The following TRPA1 variants were observed in gnomAD, a reference collection of about 807,000 sequenced individuals.
The protein encoded by TRPA1 is ankyrin-like with transmembrane domains 1.
In TRPA1, 129 loss-of-function variants were observed where a neutral mutation model predicts 131.3. The ratio of observed to expected loss-of-function variants is 0.98; its 90% CI spans 0.85 to 1.14. TRPA1 has a LOEUF of 1.14. TRPA1 is among the 50% of genes most tolerant of loss of function. The pLI is 0.00. For missense variants in TRPA1, 1,304 were observed against 1,354.2 expected, an observed-to-expected ratio of 0.96 and a Z score of 0.58; for synonymous variants, 441 against 451.7, an observed-to-expected ratio of 0.98 and a Z score of 0.30.
intron 2 of TRPA1, among the ~76,000 whole-genome samples, chr8:72,070,050 G>A (rs1016810052): frequency 6.6e-6 from 1 of 152,162 alleles, no homozygotes; most frequent in African/African-American, 2.4e-5. Flanking sequence ...TACCCCGTGA[G>A]CTCAGCATAT....
In TRPA1 at chr8:72,063,494, G is replaced by C; in HGVS notation, c.630C>G (p.Ser210=). 1 of 1,613,462 alleles carries C rather than the reference G, an allele frequency of 6.2e-7. No individual in the cohort carries two copies. The highest frequency in any genetic ancestry group is 8.5e-7 in the Non-Finnish European group (1 of 1,179,586). The change falls in exon 5 of 27, where the codon TCC becomes TCG. Residue 210 remains serine, a synonymous_variant. Transcript: ENST00000262209. Reference sequence around the variant, plus strand: ...TTAGTATTATTTCCATGCATTCTTTGGAACCTGAAAATGCAGCTTGGTGAA... The same window carrying C: ...TTAGTATTATTTCCATGCATTCTTTCGAACCTGAAAATGCAGCTTGGTGAA... The part of the protein sequence containing the change: ...FPIHQAAFSG[S]KECMEIILRF...
At chr8:72,030,906 C>G (rs1004790376) in intron 23 of TRPA1, among the ~76,000 whole-genome samples, 3 of 152,202 alleles carry the variant, frequency 2.0e-5, no homozygotes, top group African/African-American at 7.2e-5. Context: ...GAAATTAGCT[C>G]ATTTCACTCA....
chr8:72,034,975 A>C (rs1285069232), intron 21 of TRPA1, among the ~76,000 whole-genome samples: 1 of 152,192 alleles, frequency 6.6e-6, no homozygotes, highest in African/African-American at 2.4e-5. Context: ...TAGAGAGATA[A>C]ATTGTGTGCT....
At chr8:72,042,897 A>G (rs1812301798) in intron 17 of TRPA1, among the ~76,000 whole-genome samples, 1 of 151,860 alleles carries the variant, frequency 6.6e-6, no homozygotes. Flanking sequence ...GTGGTTGCCA[A>G]GGGCTGGGGG....
At chr8:72,038,802 A>C in intron 19 of TRPA1, 63 bp downstream of exon 19, 1 of 1,388,696 alleles carries the variant, frequency 7.2e-7, no homozygotes. Context: ...TGGGTTTAGT[A>C]GTCTTAAGAA....
chr8:72,033,360 G>A (rs1486892997), intron 23 of TRPA1, among the ~76,000 whole-genome samples: 1 of 152,186 alleles, frequency 6.6e-6, no homozygotes, highest in Non-Finnish European at 1.5e-5. Context: ...CACTGAGACT[G>A]AATATTGGTC....
Position 72,022,554 on chromosome 8 carries a change from A to C in TRPA1, c.*352T>G. The C allele has an allele frequency of 2.7e-6, 1 of 363,710 alleles. No individual in the cohort carries two copies. The highest frequency in any genetic ancestry group is 5.3e-6 in the Non-Finnish European group (1 of 190,044). The allele number at this position is 363,710 out of a possible 1,614,324, so 22.5% of individuals were successfully genotyped here. On this transcript the variant is annotated 3_prime_UTR_variant, in exon 27 of 27. Coordinates refer to ENST00000262209, the MANE Select transcript of TRPA1 (RefSeq NM_007332.3). ...CATATTATGTAATTAACAAGCAGGA[A>C]TTCAGTACTGACATTTGCATTTTAG...
At chr8:72,088,418 G>C in the TRPA1 span, among the ~76,000 whole-genome samples, 1 of 145,898 alleles carries the variant, frequency 6.9e-6, no homozygotes, top group Non-Finnish European at 1.5e-5. Context: ...ATGGGAAGGA[G>C]GGTAGATATG....
chr8:72,062,924 T>G lies in TRPA1; in HGVS notation c.682A>C (p.Arg228=), dbSNP rs61736344. The change falls in exon 6 of 27, where the codon AGA becomes CGA. Residue 228 remains arginine (R), a synonymous_variant. Transcript: ENST00000262209. ...TTCATAAAGTTAATGTGCAACTGTC[T>G]ACTGTACCCATGCTCTTCACCTTGA... ...LRFGEEHGYS[R]QLHINFMNNG... 469 of 1,613,966 alleles carry G rather than the reference T, an allele frequency of 2.9e-4. 1 individual carries two copies. The African/African-American group carries it at 5.5e-3, about 19-fold the overall frequency.
chr8:72,024,401 C>A (rs150266942), intron 25 of TRPA1, among the ~76,000 whole-genome samples: 31 of 152,188 alleles, frequency 2.0e-4, no homozygotes, highest in African/African-American at 7.2e-4. Flanking sequence ...GGGTCAAGGG[C>A]AGGTGTGAAA....
chr8:72,056,098 C>T (rs1805661434), intron 10 of TRPA1: 1 of 549,418 alleles, frequency 1.8e-6, no homozygotes, highest in Non-Finnish European at 3.2e-6. Context: ...TCTGAGAGAT[C>T]ATGCCAATAG....
chr8:72,026,105 C>T, intron 24 of TRPA1, 32 bp from the exon 25 acceptor site: 1 of 1,547,024 alleles, frequency 6.5e-7, no homozygotes, highest in South Asian at 1.1e-5. Context: ...TTGATAGAAT[C>T]ATTAGTTAGT....
chr8:72,089,642 C>T, the TRPA1 span, among the ~76,000 whole-genome samples: 2 of 152,022 alleles, frequency 1.3e-5, no homozygotes, highest in African/African-American at 4.8e-5. Flanking sequence ...GATCCTAAGA[C>T]ACAAGCTTCT....
upstream of TRPA1, chr8:72,075,718 C>A: frequency 2.3e-6 from 1 of 432,402 alleles, no homozygotes. Context: ...CCTTCAGGGA[C>A]AAAGTGACTC....
At chr8:72,024,063 A>C (rs1316252407) in intron 25 of TRPA1, 152 bp from the exon 26 acceptor site, 4 of 620,384 alleles carry the variant, frequency 6.4e-6, no homozygotes, top group Non-Finnish European at 1.2e-5. Context: ...AGAAAGAGAC[A>C]TGTGAAGAAA....
chr8:72,039,074 T>C (rs771205659), intron 18 of TRPA1, 47 bp from the exon 19 acceptor site: 1 of 1,595,594 alleles, frequency 6.3e-7, no homozygotes, highest in South Asian at 1.1e-5. Flanking sequence ...CAAACAAAAA[T>C]ATTTACTTAA....
intron 10 of TRPA1, among the ~76,000 whole-genome samples, chr8:72,056,538 A>T (rs547482046): frequency 1.2e-4 from 18 of 152,116 alleles, no homozygotes; most frequent in Non-Finnish European, 2.5e-4. Flanking sequence ...ATGCTGAGTA[A>T]TTTTTCTTAA....
At chr8:72,081,648 G>C in the TRPA1 span, among the ~76,000 whole-genome samples, 1 of 151,512 alleles carries the variant, frequency 6.6e-6, no homozygotes, top group African/African-American at 2.4e-5. Flanking sequence ...ATTCTGTCAG[G>C]ATTTATACTC....
intron 15 of TRPA1, among the ~76,000 whole-genome samples, chr8:72,049,120 A>G (rs544387345): frequency 6.6e-6 from 1 of 150,462 alleles, no homozygotes; most frequent in Admixed American, 6.7e-5. Flanking sequence ...TCATAAAAAA[A>G]CCGTCCAAAA....
Sources: allele counts gnomAD v4.1 joint callset (sites outside exome capture counted in the v4.1 genomes callset), GRCh38; gene constraint gnomAD v4.1.1; transcripts MANE v1.5; gene names NCBI Gene and HGNC (gene_info 2026-07-23, HGNC 2026-07-21).